Variants in CLEC17A observed in about 807,000 individuals in gnomAD.
CLEC17A encodes the protein C-type lectin domain containing 17A, also known as C-type lectin domain family 17, member A.
Under a neutral mutation model 61.3 loss-of-function variants are expected in CLEC17A, and 37 were observed. The observed-to-expected ratio is 0.60, with a 90% CI of 0.46 to 0.79. The LOEUF is 0.79. Ranked by LOEUF, CLEC17A falls within the 30% of genes least tolerant of loss-of-function variation. The pLI, the probability that CLEC17A is intolerant of heterozygous loss-of-function variation, is 0.00. For missense variants in CLEC17A, 418 were observed against 464.7 expected, an observed-to-expected ratio of 0.90 and a Z score of 0.92; for synonymous variants, 168 against 164.9, an observed-to-expected ratio of 1.02 and a Z score of -0.14.
chr19:14,602,279 G>GT (rs2074739187), intron 12 of CLEC17A, among the ~76,000 whole-genome samples: 1 of 151,562 alleles, frequency 6.6e-6, no homozygotes, highest in Admixed American at 6.6e-5. Flanking sequence ...TTTAATTGGT[G>GT]TTTTCATTTA....
At chr19:14,595,600 G>A (rs1485621966) in intron 8 of CLEC17A, among the ~76,000 whole-genome samples, 2 of 152,236 alleles carry the variant, frequency 1.3e-5, no homozygotes, top group Non-Finnish European at 2.9e-5. Flanking sequence ...TTCTGTTGGT[G>A]ATTGTGATGG....
intron 12 of CLEC17A, among the ~76,000 whole-genome samples, chr19:14,602,660 C>T (rs967105828): frequency 2.6e-5 from 4 of 151,926 alleles, no homozygotes; most frequent in African/African-American, 2.4e-5. Flanking sequence ...GGTCTATCAT[C>T]TTATTATTTT....
chr19:14,602,223 A>AT (rs1336535175), intron 12 of CLEC17A, among the ~76,000 whole-genome samples: 1 of 151,450 alleles, frequency 6.6e-6, no homozygotes, highest in Non-Finnish European at 1.5e-5. Context: ...CAGACAGTAT[A>AT]TAGTTGGGTT....
chr19:14,606,143 G>A (rs1289469400), intron 12 of CLEC17A, among the ~76,000 whole-genome samples: 1 of 151,748 alleles, frequency 6.6e-6, no homozygotes, highest in South Asian at 2.1e-4. Flanking sequence ...TAAGGCTACC[G>A]AGTAGCACAA....
chr19:14,610,889 TG>T lies in CLEC17A; in HGVS notation c.*697del, dbSNP rs1474016555. The T allele has an allele frequency of 6.6e-6, 1 of 152,078 alleles. No individual in the cohort carries two copies. The highest frequency in any genetic ancestry group is 1.5e-5 in the Non-Finnish European group (1 of 68,044). The allele number at this position is 152,078 out of a possible 1,614,324, so 9.4% of individuals were successfully genotyped here. A position where few individuals can be genotyped will look rare whatever the true frequency, so the allele number is the denominator to read the frequency against. ...GTTGCCGAGGCTGGTCTCAAACTCC[TG>T]GGGTCAAGCAATCCTTCCGTGATGG... is the stretch of plus-strand genomic sequence containing the variant. On this transcript the variant is annotated 3_prime_UTR_variant, in exon 14 of 14. Transcript: ENST00000417570.
intron 12 of CLEC17A, among the ~76,000 whole-genome samples, chr19:14,603,651 A>G (rs1212343352): frequency 6.6e-6 from 1 of 151,444 alleles, no homozygotes; most frequent in Non-Finnish European, 1.5e-5. Flanking sequence ...TTTTTAGTAG[A>G]GTTAGGGTAT....
At chr19:14,602,936 T>C (rs973959661) in intron 12 of CLEC17A, among the ~76,000 whole-genome samples, 3 of 152,228 alleles carry the variant, frequency 2.0e-5, no homozygotes, top group East Asian at 1.9e-4. Context: ...GGTTTCTCCA[T>C]GTTGGCCAGA....
intron 12 of CLEC17A, among the ~76,000 whole-genome samples, chr19:14,603,590 A>G (rs1012614629): frequency 6.6e-6 from 1 of 151,562 alleles, no homozygotes; most frequent in African/African-American, 2.4e-5. Flanking sequence ...CTCCCAAGTA[A>G]CTGGGACTAT....
intron 13 of CLEC17A, among the ~76,000 whole-genome samples, chr19:14,608,134 A>G (rs2074949370): frequency 6.6e-6 from 1 of 152,138 alleles, no homozygotes; most frequent in African/African-American, 2.4e-5. Flanking sequence ...AGCCTCCCAA[A>G]GTGCTGGGAT....
intron 12 of CLEC17A, among the ~76,000 whole-genome samples, chr19:14,605,434 G>T (rs1266635636): frequency 6.6e-6 from 1 of 152,174 alleles, no homozygotes; most frequent in East Asian, 1.9e-4. Context: ...TTGGTGGTAA[G>T]TTGGGTGAGT....
chr19:14,609,993 A>G, intron 13 of CLEC17A, 71 bp from the exon 14 acceptor site: 3 of 1,120,738 alleles, frequency 2.7e-6, no homozygotes, highest in Non-Finnish European at 2.7e-6. Context: ...ATTCATCATT[A>G]CAGTATTATA....
intron 4 of CLEC17A, among the ~76,000 whole-genome samples, chr19:14,593,310 T>TA (rs1403705909): frequency 5.6e-5 from 7 of 124,504 alleles, no homozygotes; most frequent in Non-Finnish European, 1.1e-4. Flanking sequence ...TTGGGCAATA[T>TA]ATAGCAAGAC....
Position 14,611,239 on chromosome 19 carries a change from A to G in CLEC17A, c.*1043A>G, listed in dbSNP as rs1422934619. 1 of 152,144 alleles carries G rather than the reference A, an allele frequency of 6.6e-6. No individual in the cohort carries two copies. The highest frequency in any genetic ancestry group is 6.6e-5 in the Admixed American group (1 of 15,248). The allele number at this position is 152,144 out of a possible 1,614,324, so 9.4% of individuals were successfully genotyped here. A position where few individuals can be genotyped will look rare whatever the true frequency, so the allele number is the denominator to read the frequency against. ...CACTGCTTCCTTCCTGGTCTCAAAC[A>G]GCACAAATAACCCAGAAACCATCAA... On this transcript the variant is annotated 3_prime_UTR_variant, in exon 14 of 14. Transcript: ENST00000417570.
At position 14,596,927 on chromosome 19, in the gene CLEC17A, A is replaced by T; in HGVS notation, c.497A>T (p.Gln166Leu). ...NQRSGGPGCC[Q>L]KRWMVYLCLL... is the part of the protein sequence containing the mutation. ...AGGTCTGGAGGTCCTGGCTGCTGCC[A>T]GAAGAGGTGGATGGTGTACCTGTGT... Residue 166 changes from glutamine (Q) to leucine (L), a missense_variant, in exon 9 of 14, where the codon CAG (glutamine) becomes CTG (leucine). Coordinates refer to ENST00000417570, the MANE Select transcript of CLEC17A (RefSeq NM_001204118.2). 6.2e-7 allele frequency: 1 copy of T among 1,608,654 alleles called. No individual in the cohort carries two copies. The highest frequency in any genetic ancestry group is 1.1e-5 in the South Asian group (1 of 89,692).
chr19:14,609,865 C>T (rs753928782), intron 13 of CLEC17A, among the ~76,000 whole-genome samples, 199 bp from the exon 14 acceptor site: 2 of 151,086 alleles, frequency 1.3e-5, no homozygotes, highest in South Asian at 2.1e-4. Context: ...AAACAAAAAA[C>T]CCCCCAAAAC....
At chr19:14,594,417 T>A (rs1279884691) in intron 4 of CLEC17A, 100 bp from the exon 5 acceptor site, 3 of 1,446,732 alleles carry the variant, frequency 2.1e-6, no homozygotes, top group Non-Finnish European at 2.8e-6. Flanking sequence ...TGTAACCTAA[T>A]CTCCAATCCT....
rs2075031114 is a variant in CLEC17A, at chr19:14,611,157, A to G, written c.*961A>G. 6.6e-6 allele frequency: 1 copy of G among 151,840 alleles called. No homozygotes were observed. Among genetic ancestry groups the G allele is most frequent in the South Asian group, 2.1e-4 (1 of 4,822 alleles). 9.4% of individuals were successfully genotyped at this position (151,840 alleles called of 1,614,324 possible). A position where few individuals can be genotyped will look rare whatever the true frequency, so the allele number is the denominator to read the frequency against. ...CAAATTACAAACCTAAAAATACAGA[A>G]CATCAGCGGAGAAGACAGGAGAGCT... is the stretch of plus-strand genomic sequence containing the variant. On this transcript the variant is annotated 3_prime_UTR_variant, in exon 14 of 14. Coordinates refer to ENST00000417570, the MANE Select transcript of CLEC17A (RefSeq NM_001204118.2).
upstream of CLEC17A, among the ~76,000 whole-genome samples, chr19:14,582,214 C>CA (rs2074190097): frequency 7.0e-6 from 1 of 142,524 alleles, no homozygotes; most frequent in Admixed American, 6.8e-5. Context: ...CTTGTAATGC[C>CA]ATTTTTTTTT....
At chr19:14,586,984 G>A (rs2074298051) in intron 2 of CLEC17A, among the ~76,000 whole-genome samples, 1 of 150,664 alleles carries the variant, frequency 6.6e-6, no homozygotes, top group African/African-American at 2.5e-5. Context: ...CACCTCCTGA[G>A]TTCAAGTGAT....
Sources: allele counts gnomAD v4.1 joint callset (sites outside exome capture counted in the v4.1 genomes callset), GRCh38; gene constraint gnomAD v4.1.1; transcripts MANE v1.5; gene names NCBI Gene and HGNC (gene_info 2026-07-23, HGNC 2026-07-21).